Variants in R3HDM2 observed in about 807,000 individuals in gnomAD.
R3HDM2 encodes R3H domain containing 2, also known as R3H domain-containing protein 2.
A neutral mutation model predicts 124.5 loss-of-function variants in R3HDM2; 38 were observed. The ratio of observed to expected loss-of-function variants is 0.31; its 90% CI spans 0.24 to 0.40. The LOEUF (loss-of-function observed/expected upper bound fraction) is 0.40. Among genes scored for constraint, R3HDM2 ranks in the 10% least tolerant of loss-of-function variants. The pLI is 1.00. For missense variants in R3HDM2, 869 were observed against 1,236.9 expected (o/e 0.70, Z 4.46); for synonymous variants, 391 against 448.0 (o/e 0.87, Z 1.61).
chr12:57,349,784 T>A (rs1158079049), intron 2 of R3HDM2, among the ~76,000 whole-genome samples: 3 of 152,044 alleles, frequency 2.0e-5, no homozygotes, highest in Admixed American at 6.6e-5. Context: ...ATGGTCTCCA[T>A]CTCCTGTCCT....
intron 2 of R3HDM2, among the ~76,000 whole-genome samples, chr12:57,384,279 G>A (rs997737493): frequency 1.8e-4 from 28 of 151,786 alleles, no homozygotes; most frequent in African/African-American, 5.3e-4. Context: ...GCGTGAACCC[G>A]GGAGGCAGAG....
At chr12:57,333,713 A>T (rs1431907925) in intron 2 of R3HDM2, among the ~76,000 whole-genome samples, 2 of 151,544 alleles carry the variant, frequency 1.3e-5, no homozygotes, top group Admixed American at 1.3e-4. Context: ...ATACATAAAT[A>T]AATATTTCTA....
intron 1 of R3HDM2, among the ~76,000 whole-genome samples, chr12:57,416,807 C>T (rs2069658641): frequency 6.6e-6 from 1 of 151,082 alleles, no homozygotes; most frequent in Admixed American, 6.6e-5. Flanking sequence ...GACTCTGTCC[C>T]CCCCGCCCCA....
intron 2 of R3HDM2, among the ~76,000 whole-genome samples, chr12:57,380,626 A>T (rs779036945): frequency 1.9e-4 from 29 of 152,188 alleles, no homozygotes; most frequent in Non-Finnish European, 2.5e-4. Context: ...CATCATCTTA[A>T]AACTCTTGGT....
chr12:57,270,801 T>C (rs2043429779), intron 14 of R3HDM2, among the ~76,000 whole-genome samples: 1 of 152,014 alleles, frequency 6.6e-6, no homozygotes, highest in African/African-American at 2.4e-5. Context: ...ACTCCTGAAC[T>C]CAAGTGATCA....
At chr12:57,371,083 CTTTTTTTTTTTTTTT>C (rs775839017) in intron 2 of R3HDM2, among the ~76,000 whole-genome samples, 8 of 40,888 alleles carry the variant, frequency 2.0e-4, no homozygotes, top group Admixed American at 1.4e-3. Flanking sequence ...TATACCATTA[CTTTTTTTTTTTTTTT>C]TTTTTTTTTT....
intron 7 of R3HDM2, 68 bp downstream of exon 7, chr12:57,298,022 G>A: frequency 8.9e-7 from 1 of 1,121,684 alleles, no homozygotes; most frequent in Non-Finnish European, 1.3e-6. Context: ...ATTCTGGGAA[G>A]CCGTTTGGCC....
rs2053665583 is a variant in R3HDM2 at position 57,310,461 on chromosome 12, C to T, written c.-33G>A. On this transcript the variant is annotated splice_region_variant and 5_prime_UTR_variant, in exon 3 of 24. Coordinates refer to ENST00000402412, the MANE Select transcript of R3HDM2 (RefSeq NM_001394031.1). The stretch of plus-strand genomic sequence containing the variant: ...AATAGAATACAGTGGCCTCTATGGA[C>T]TCCTAAAGAAACATCAAATGCATTA... 19 of 1,456,100 alleles carry T rather than the reference C, an allele frequency of 1.3e-5. No individual in the cohort carries two copies. Among genetic ancestry groups the T allele is most frequent in the Non-Finnish European group, 1.5e-5 (17 of 1,102,086 alleles). 90.2% of individuals were successfully genotyped at this position (1,456,100 alleles called of 1,614,324 possible).
At chr12:57,392,086 C>A (rs1001928867) in intron 2 of R3HDM2, among the ~76,000 whole-genome samples, 61 of 152,186 alleles carry the variant, frequency 4.0e-4, no homozygotes, top group South Asian at 4.1e-4. Flanking sequence ...TCACTTCAAC[C>A]TGGGAGGTGG....
chr12:57,335,754 C>T (rs553721018), intron 2 of R3HDM2, among the ~76,000 whole-genome samples: 23 of 150,752 alleles, frequency 1.5e-4, no homozygotes, highest in Non-Finnish European at 2.8e-4. Context: ...CTTCCCATGT[C>T]GGCCTCCCAA....
intron 14 of R3HDM2, among the ~76,000 whole-genome samples, chr12:57,274,934 C>T (rs963680024): frequency 6.6e-6 from 1 of 152,026 alleles, no homozygotes; most frequent in Non-Finnish European, 1.5e-5. Flanking sequence ...ATCAAAATAC[C>T]ACCATCATTC....
intron 1 of R3HDM2, among the ~76,000 whole-genome samples, chr12:57,422,236 G>A (rs903123312): frequency 2.0e-5 from 3 of 151,674 alleles, no homozygotes; most frequent in African/African-American, 7.3e-5. Context: ...TTCCAATCCA[G>A]TCTCCAAATT....
At chr12:57,381,282 G>A (rs919885496) in intron 2 of R3HDM2, among the ~76,000 whole-genome samples, 13 of 151,462 alleles carry the variant, frequency 8.6e-5, no homozygotes, top group Non-Finnish European at 1.6e-4. Flanking sequence ...GGCCGGGCAC[G>A]GTGGCTCACG....
At chr12:57,333,800 T>C (rs965616867) in intron 2 of R3HDM2, among the ~76,000 whole-genome samples, 8 of 151,536 alleles carry the variant, frequency 5.3e-5, no homozygotes, top group East Asian at 1.9e-4. Context: ...CCCAGCACTT[T>C]TGGAGGCTGA....
chr12:57,385,935 A>C (rs2065670894), intron 2 of R3HDM2, among the ~76,000 whole-genome samples: 1 of 152,118 alleles, frequency 6.6e-6, no homozygotes. Context: ...CATTTTCCAG[A>C]AGATATATGA....
chr12:57,286,673 G>C (rs1248800590), intron 12 of R3HDM2, among the ~76,000 whole-genome samples: 1 of 152,148 alleles, frequency 6.6e-6, no homozygotes, highest in African/African-American at 2.4e-5. Flanking sequence ...CCTGAGGTCA[G>C]GAGTTTGAGA....
chr12:57,279,805 C>T (rs979137179), intron 14 of R3HDM2, among the ~76,000 whole-genome samples: 3 of 152,014 alleles, frequency 2.0e-5, no homozygotes, highest in South Asian at 4.1e-4. Context: ...ATTTACCAGT[C>T]CAGCAACAGA....
intron 1 of R3HDM2, among the ~76,000 whole-genome samples, chr12:57,400,479 C>G (rs1594489339): frequency 6.6e-6 from 1 of 151,898 alleles, no homozygotes; most frequent in Non-Finnish European, 1.5e-5. Context: ...ATATACCTAA[C>G]GTAAATGACG....
chr12:57,290,945 G>A (rs1592819199), intron 11 of R3HDM2, among the ~76,000 whole-genome samples: 1 of 152,066 alleles, frequency 6.6e-6, no homozygotes, highest in Non-Finnish European at 1.5e-5. Flanking sequence ...AACCTGTTCC[G>A]TACACAACTT....
Sources: allele counts gnomAD v4.1 joint callset (sites outside exome capture counted in the v4.1 genomes callset), GRCh38; gene constraint gnomAD v4.1.1; transcripts MANE v1.5; gene names NCBI Gene and HGNC (gene_info 2026-07-23, HGNC 2026-07-21).